MEIS2: variants seen among roughly 807,000 people sequenced by gnomAD.
MEIS2 encodes the protein Meis homeobox 2.
A neutral mutation model predicts 58.6 loss-of-function variants in MEIS2; 9 were observed. The observed-to-expected ratio is 0.15, with a 90% CI of 0.09 to 0.27. MEIS2 has a LOEUF of 0.27. Ranked by LOEUF, MEIS2 falls within the 10% of genes least tolerant of loss-of-function variation. The pLI, the probability that MEIS2 is intolerant of heterozygous loss-of-function variation, is 1.00. For missense variants in MEIS2, 427 were observed against 635.0 expected, an observed-to-expected ratio of 0.67 and a Z score of 3.52; for synonymous variants, 221 against 228.4, an observed-to-expected ratio of 0.97 and a Z score of 0.29.
At chr15:37,005,507 C>G (rs1419383424) in intron 8 of MEIS2, among the ~76,000 whole-genome samples, 3 of 152,152 alleles carry the variant, frequency 2.0e-5, no homozygotes. Flanking sequence ...GCACCACCAT[C>G]CAGACATTAT....
chr15:36,926,342 C>CA (rs928383519), intron 9 of MEIS2, among the ~76,000 whole-genome samples: 2 of 148,374 alleles, frequency 1.3e-5, no homozygotes, highest in Non-Finnish European at 3.0e-5. Flanking sequence ...TTTACCTTTT[C>CA]AAAAAAACAA....
intron 8 of MEIS2, among the ~76,000 whole-genome samples, chr15:37,035,915 C>T (rs760391067): frequency 3.3e-5 from 5 of 152,324 alleles, no homozygotes; most frequent in Middle Eastern, 3.4e-3. Context: ...TTTCAATGTG[C>T]TACTCTATTT....
At chr15:37,013,986 G>C (rs1313975868) in intron 8 of MEIS2, among the ~76,000 whole-genome samples, 1 of 152,124 alleles carries the variant, frequency 6.6e-6, no homozygotes, top group Non-Finnish European at 1.5e-5. Flanking sequence ...GGAAGATATG[G>C]GCAAGAACCC....
intron 11 of MEIS2, 95 bp downstream of exon 11, chr15:36,895,056 C>T (rs1217723760): frequency 8.1e-6 from 9 of 1,110,942 alleles, no homozygotes; most frequent in Non-Finnish European, 1.2e-5. Context: ...AAATGTTAAA[C>T]CCACCATGAC....
At chr15:37,004,670 T>C (rs1304468120) in intron 8 of MEIS2, among the ~76,000 whole-genome samples, 1 of 152,294 alleles carries the variant, frequency 6.6e-6, no homozygotes. Flanking sequence ...ATAGTACCCA[T>C]GGAGATTCCA....
rs555360008 is a variant in MEIS2 at position 36,908,410 on chromosome 15, T to G, written c.978-11724A>C. 1.1e-4 allele frequency among the ~76,000 whole-genome samples: 17 copies of G among 152,288 alleles called. No homozygotes were observed. In the South Asian group the frequency reaches 3.1e-3, roughly 28 times the overall value. ...GCTTTAGAGGGTTAGTTAGTGGATT[T>G]TCCCCCCGATTTGTGAGAAATAGAG... is the stretch of plus-strand genomic sequence containing the variant. On this transcript the variant is annotated intron_variant, in intron 9 of 11. Coordinates refer to ENST00000561208, the MANE Select transcript of MEIS2 (RefSeq NM_170675.5).
chr15:37,098,367 A>T (rs1173056169), intron 1 of MEIS2, 168 bp from the exon 2 acceptor site: 2 of 716,814 alleles, frequency 2.8e-6, no homozygotes, highest in East Asian at 6.6e-5. Flanking sequence ...GAGGAGGAAA[A>T]GGAGGAGAGG....
chr15:37,074,372 G>T (rs1891098863), intron 7 of MEIS2, among the ~76,000 whole-genome samples: 1 of 151,928 alleles, frequency 6.6e-6, no homozygotes, highest in African/African-American at 2.4e-5. Context: ...TTACTTCACT[G>T]TGTATAATAA....
intron 8 of MEIS2, among the ~76,000 whole-genome samples, chr15:37,016,469 G>C (rs1007961446): frequency 6.6e-6 from 1 of 151,854 alleles, no homozygotes; most frequent in Non-Finnish European, 1.5e-5. Flanking sequence ...CATGGCAGAC[G>C]GTGATTAATA....
At chr15:37,004,649 A>G (rs2060851825) in intron 8 of MEIS2, among the ~76,000 whole-genome samples, 1 of 152,198 alleles carries the variant, frequency 6.6e-6, no homozygotes, top group Non-Finnish European at 1.5e-5. Context: ...CACTCTTGAT[A>G]CCGCAGACTG....
Position 37,098,062 on chromosome 15 carries a change from G to C in MEIS2, c.150C>G (p.His50Gln). ...NHGPPLHATQ[H>Q]YGAHAPHPNV... Reference sequence around the variant, plus strand: ...TGGGGTGCGGGGCGTGCGCGCCGTAGTGCTGTGTGGCGTGGAGCGGCGGCC... The same window carrying C: ...TGGGGTGCGGGGCGTGCGCGCCGTACTGCTGTGTGGCGTGGAGCGGCGGCC... The change falls in exon 2 of 12, where the codon CAC (histidine) becomes CAG (glutamine). Residue 50 changes from histidine (H) to glutamine (Q), a missense_variant. By Grantham distance (24) the His-to-Gln change is conservative (BLOSUM62 0). Transcript: ENST00000561208. The C allele has an allele frequency of 6.2e-7, 1 of 1,613,842 alleles. No homozygotes were observed.
At chr15:36,982,257 T>C (rs1309814528) in intron 8 of MEIS2, among the ~76,000 whole-genome samples, 7 of 152,178 alleles carry the variant, frequency 4.6e-5, no homozygotes, top group Non-Finnish European at 1.0e-4. Flanking sequence ...ACAGTTACCA[T>C]GCTGTACATT....
rs949263038 is a variant in MEIS2 at position 37,096,548 on chromosome 15, C to A, written c.246-118G>T. ...GAGTCCTTCTTTAATACAACAGGCACGCACCACACTTTACAACCCTTCCTC... is the reference window on the plus strand; with the variant it reads ...GAGTCCTTCTTTAATACAACAGGCAAGCACCACACTTTACAACCCTTCCTC... On this transcript the variant is annotated intron_variant, in intron 2 of 11. Transcript: ENST00000561208. 5.3e-5 allele frequency: 67 copies of A among 1,253,818 alleles called. 2 individuals are homozygous for A. In the East Asian group the frequency reaches 1.7e-3, roughly 31 times the overall value. 77.7% of individuals were successfully genotyped at this position (1,253,818 alleles called of 1,614,324 possible). A position where few individuals can be genotyped will look rare whatever the true frequency, so the allele number is the denominator to read the frequency against.
chr15:37,020,469 G>T (rs1227381465), intron 8 of MEIS2, among the ~76,000 whole-genome samples: 3 of 152,110 alleles, frequency 2.0e-5, no homozygotes, highest in African/African-American at 4.8e-5. Flanking sequence ...TCAATTTGTG[G>T]CTTATTTTAG....
At chr15:37,073,490 G>T (rs567910227) in intron 7 of MEIS2, among the ~76,000 whole-genome samples, 1 of 152,086 alleles carries the variant, frequency 6.6e-6, no homozygotes, top group Admixed American at 6.6e-5. Context: ...AAGGTGCCTT[G>T]CTCAATGAAT....
intron 8 of MEIS2, among the ~76,000 whole-genome samples, chr15:37,014,187 A>G (rs890937288): frequency 5.3e-5 from 8 of 152,250 alleles, no homozygotes; most frequent in South Asian, 2.1e-4. Context: ...CTGCTTAGAT[A>G]TATGTGAAGC....
At chr15:36,938,245 C>G (rs1281332474) in intron 9 of MEIS2, among the ~76,000 whole-genome samples, 1 of 152,170 alleles carries the variant, frequency 6.6e-6, no homozygotes, top group East Asian at 1.9e-4. Flanking sequence ...GCAATAACAT[C>G]TATACCCTCA....
At chr15:37,094,696 G>T in intron 4 of MEIS2, 119 bp from the exon 5 acceptor site, 1 of 723,178 alleles carries the variant, frequency 1.4e-6, no homozygotes, top group East Asian at 2.6e-5. Flanking sequence ...GAAACGGGCA[G>T]GTGGCCAGGA....
At chr15:37,100,782 G>C (rs570996786), upstream of MEIS2, 1 of 151,688 alleles carries the variant, frequency 6.6e-6, no homozygotes, top group African/African-American at 2.4e-5. Flanking sequence ...AGAGGGAGAG[G>C]GGGAGAGAGA....
Sources: gnomAD v4.1 joint callset for allele counts (sites outside exome capture counted in the v4.1 genomes callset) on GRCh38, gnomAD v4.1.1 for gene constraint, MANE v1.5 for transcripts, NCBI Gene and HGNC (gene_info 2026-07-23, HGNC 2026-07-21) for gene names.